Variants in RIMBP2 observed in about 807,000 individuals in gnomAD.
RIMBP2 encodes the protein RIMS-binding protein 2.
RIMBP2 carries 48 observed loss-of-function variants against 118.6 expected under a neutral mutation model. The observed-to-expected ratio is 0.40, with a 90% CI of 0.32 to 0.51. RIMBP2 has a LOEUF of 0.51. Among genes scored for constraint, RIMBP2 ranks in the 20% least tolerant of loss-of-function variants. RIMBP2 has a pLI of 0.41. For missense variants in RIMBP2, 1,551 were observed against 1,768.3 expected (o/e 0.88, Z 2.20); for synonymous variants, 762 against 742.9 (o/e 1.03, Z -0.42).
intron 5 of RIMBP2, among the ~76,000 whole-genome samples, chr12:130,477,659 C>A (rs911704300): frequency 6.6e-5 from 10 of 152,216 alleles, no homozygotes; most frequent in African/African-American, 2.4e-4. Context: ...AGAGAAATGG[C>A]ATCAGAACTT....
At chr12:130,654,994 C>T (rs920854527) in intron 1 of RIMBP2, among the ~76,000 whole-genome samples, 1 of 152,332 alleles carries the variant, frequency 6.6e-6, no homozygotes, top group East Asian at 1.9e-4. Context: ...GACCTGCTCC[C>T]GTGACCCAAA....
intron 1 of RIMBP2, among the ~76,000 whole-genome samples, chr12:130,663,109 G>A (rs1201995611): frequency 2.6e-5 from 4 of 152,210 alleles, no homozygotes; most frequent in Non-Finnish European, 5.9e-5. Context: ...AGCAGGTTCT[G>A]CAGGCAGGAG....
At chr12:130,509,045 C>T (rs1057253873) in intron 3 of RIMBP2, among the ~76,000 whole-genome samples, 2 of 152,150 alleles carry the variant, frequency 1.3e-5, no homozygotes, top group Admixed American at 1.3e-4. Context: ...GCATGACCCC[C>T]GGCCCCCGGC....
intron 1 of RIMBP2, among the ~76,000 whole-genome samples, chr12:130,663,328 G>C (rs527555977): frequency 6.6e-6 from 1 of 152,334 alleles, no homozygotes; most frequent in South Asian, 2.1e-4. Flanking sequence ...CCAGGCACCT[G>C]TTGACAGAAT....
intron 1 of RIMBP2, among the ~76,000 whole-genome samples, chr12:130,694,589 G>A (rs947670899): frequency 6.6e-6 from 1 of 152,122 alleles, no homozygotes; most frequent in Non-Finnish European, 1.5e-5. Flanking sequence ...TCCCCTTCCT[G>A]GAAAGCTCCT....
chr12:130,414,994 A>G (rs1326111635), intron 17 of RIMBP2, among the ~76,000 whole-genome samples: 2 of 152,200 alleles, frequency 1.3e-5, no homozygotes, highest in Non-Finnish European at 2.9e-5. Flanking sequence ...GCTGGTACCA[A>G]TTCTACTGAA....
intron 4 of RIMBP2, among the ~76,000 whole-genome samples, chr12:130,482,605 A>AC (rs1397274213): frequency 1.3e-5 from 2 of 152,186 alleles, no homozygotes; most frequent in East Asian, 3.9e-4. Flanking sequence ...ACAAATACTT[A>AC]CCCAAGCACT....
At chr12:130,646,862 G>A (rs534089799) in intron 1 of RIMBP2, among the ~76,000 whole-genome samples, 13 of 152,350 alleles carry the variant, frequency 8.5e-5, no homozygotes, top group South Asian at 8.3e-4. Context: ...ACACACAGGC[G>A]CCATGGGCAT....
At chr12:130,565,201 A>T (rs1056791399) in intron 2 of RIMBP2, among the ~76,000 whole-genome samples, 1 of 151,962 alleles carries the variant, frequency 6.6e-6, no homozygotes, top group Non-Finnish European at 1.5e-5. Context: ...TGCAGCCTTG[A>T]CCTCCCAAGT....
chr12:130,572,588 G>A (rs2057765879), intron 2 of RIMBP2, among the ~76,000 whole-genome samples: 2 of 151,990 alleles, frequency 1.3e-5, no homozygotes, highest in African/African-American at 2.4e-5. Context: ...ACAGGGGCAG[G>A]GATGTGACAC....
chr12:130,402,791 C>T (rs897098686), intron 21 of RIMBP2, among the ~76,000 whole-genome samples: 6 of 152,218 alleles, frequency 3.9e-5, no homozygotes, highest in Non-Finnish European at 7.3e-5. Context: ...TTTGCACACT[C>T]CTCTGGATTA....
At chr12:130,481,180 G>A (rs575524969) in intron 4 of RIMBP2, among the ~76,000 whole-genome samples, 76 of 152,092 alleles carry the variant, frequency 5.0e-4, no homozygotes, top group African/African-American at 1.7e-3. Context: ...AGGCTCAGGG[G>A]GAGGGGTGTG....
In RIMBP2 at chr12:130,445,412, A is replaced by C. The variant is rs905146910; in HGVS notation, c.582-143T>G. ...CCCACATAATCGTTCGGGGCTGATGAGTTCTCTGTACACTGGAAATTCAAG... is the reference window on the plus strand; with the variant it reads ...CCCACATAATCGTTCGGGGCTGATGCGTTCTCTGTACACTGGAAATTCAAG... On this transcript the variant is annotated intron_variant, in intron 9 of 22. Coordinates refer to ENST00000690449, the MANE Select transcript of RIMBP2 (RefSeq NM_001393629.1). The C allele has an allele frequency of 1.3e-5, 7 of 554,164 alleles. No individual in the cohort carries two copies. In the African/African-American group the frequency reaches 1.3e-4, roughly 11 times the overall value. 34.3% of individuals were successfully genotyped at this position (554,164 alleles called of 1,614,324 possible).
intron 2 of RIMBP2, among the ~76,000 whole-genome samples, chr12:130,558,690 T>C (rs533420017): frequency 2.0e-5 from 3 of 152,242 alleles, no homozygotes; most frequent in Admixed American, 6.5e-5. Context: ...GGCGGCCCCC[T>C]TGAGAAGGGC....
chr12:130,663,052 C>T (rs945423630), intron 1 of RIMBP2, among the ~76,000 whole-genome samples: 3 of 152,196 alleles, frequency 2.0e-5, no homozygotes, highest in Non-Finnish European at 4.4e-5. Context: ...TAAACCATCC[C>T]AGGTGGTTCC....
chr12:130,649,790 G>A (rs549580206), intron 1 of RIMBP2, among the ~76,000 whole-genome samples: 194 of 152,140 alleles, frequency 1.3e-3, no homozygotes, highest in African/African-American at 4.4e-3. Context: ...ACCCGAACAG[G>A]GAGGGGTGCC....
At chr12:130,684,386 G>A (rs1481807749) in intron 1 of RIMBP2, among the ~76,000 whole-genome samples, 3 of 152,192 alleles carry the variant, frequency 2.0e-5, no homozygotes, top group Non-Finnish European at 4.4e-5. Context: ...CCTGAGGGCC[G>A]TGTCACAGGC....
intron 4 of RIMBP2, among the ~76,000 whole-genome samples, chr12:130,487,396 C>G (rs554469985): frequency 2.6e-5 from 4 of 152,244 alleles, no homozygotes; most frequent in African/African-American, 4.8e-5. Context: ...TGAGTTCACT[C>G]GAGAGCTGGT....
At chr12:130,535,638 CAT>C (rs1363716796) in intron 2 of RIMBP2, among the ~76,000 whole-genome samples, 27 of 149,726 alleles carry the variant, frequency 1.8e-4, no homozygotes, top group Admixed American at 2.7e-4. Context: ...TATATATACA[CAT>C]AGATATACAT....
Sources: gnomAD v4.1 joint callset for allele counts (sites outside exome capture counted in the v4.1 genomes callset) on GRCh38, gnomAD v4.1.1 for gene constraint, MANE v1.5 for transcripts, NCBI Gene and HGNC (gene_info 2026-07-23, HGNC 2026-07-21) for gene names.